CDKAL1: variants seen among roughly 807,000 people sequenced by gnomAD.
The protein encoded by CDKAL1 is CDKAL1 threonylcarbamoyladenosine tRNA methylthiotransferase, also known as threonylcarbamoyladenosine tRNA methylthiotransferase.
Under a neutral mutation model 68.2 loss-of-function variants are expected in CDKAL1, and 32 were observed. The observed-to-expected ratio is 0.47, with a 90% CI of 0.35 to 0.63. The LOEUF (loss-of-function observed/expected upper bound fraction) is 0.63, where lower values mean the gene tolerates loss of function less well. Among genes scored for constraint, CDKAL1 ranks in the 30% least tolerant of loss-of-function variants. The pLI is 0.00. For missense variants in CDKAL1, 606 were observed against 696.7 expected (o/e 0.87, Z 1.47); for synonymous variants, 234 against 244.3 (o/e 0.96, Z 0.39).
intron 8 of CDKAL1, among the ~76,000 whole-genome samples, chr6:20,845,535 T>A (rs1252699465): frequency 1.3e-5 from 2 of 152,082 alleles, no homozygotes; most frequent in African/African-American, 4.8e-5. Context: ...GCTTTAATAT[T>A]TTTTCCTGAT....
chr6:21,048,073 C>A (rs1770341995), intron 11 of CDKAL1, among the ~76,000 whole-genome samples: 1 of 152,100 alleles, frequency 6.6e-6, no homozygotes, highest in South Asian at 2.1e-4. Context: ...GAGTTCTTAT[C>A]AAAAATTAGA....
rs115025126 is a variant in CDKAL1, at chr6:20,966,911, G to A, written c.909+11326G>A. Among the ~76,000 whole-genome samples, 1,250 of 151,944 alleles carry A rather than the reference G, an allele frequency of 8.2e-3. 24 individuals carry two copies. The highest frequency in any genetic ancestry group is 0.028 in the African/African-American group (1,170 of 41,458). ...AGACTCTTTTTATTTTTTTGTTGTTGTTTCTATATTCTTCCATTATTGCGT... is the reference window on the plus strand; with the variant it reads ...AGACTCTTTTTATTTTTTTGTTGTTATTTCTATATTCTTCCATTATTGCGT... On this transcript the variant is annotated intron_variant, in intron 10 of 15. Transcript: ENST00000274695.
intron 9 of CDKAL1, among the ~76,000 whole-genome samples, chr6:20,932,376 G>A (rs1431327065): frequency 6.6e-6 from 1 of 152,124 alleles, no homozygotes; most frequent in Non-Finnish European, 1.5e-5. Flanking sequence ...TTAGAATCGT[G>A]TCCACCCACG....
intron 3 of CDKAL1, among the ~76,000 whole-genome samples, chr6:20,547,583 A>C (rs16883910): frequency 6.8e-4 from 103 of 152,296 alleles, no homozygotes; most frequent in African/African-American, 2.3e-3. Context: ...TTGTTTATCT[A>C]GTCAACTGCT....
chr6:20,597,101 C>T (rs1446629890), intron 4 of CDKAL1, among the ~76,000 whole-genome samples: 1 of 152,072 alleles, frequency 6.6e-6, no homozygotes, highest in African/African-American at 2.4e-5. Context: ...ATCTTGCCAG[C>T]CACCCCTTTA....
At position 21,008,806 on chromosome 6, in the gene CDKAL1, A is replaced by T. The variant is rs537957556; in HGVS notation, c.1055+8434A>T. On this transcript the variant is annotated intron_variant, in intron 11 of 15. Transcript: ENST00000274695. ...CGTGTCTGTTGAATGAATGGCACTT[A>T]ACTCTGGAACTAACAAGAGTAAGGC... Among the ~76,000 whole-genome samples, 3 of 152,308 alleles carry T rather than the reference A, an allele frequency of 2.0e-5. No individual in the cohort carries two copies. The South Asian group carries it at 6.2e-4, about 32-fold the overall frequency.
intron 15 of CDKAL1, 51 bp downstream of exon 15, chr6:21,201,325 G>A (rs1778683493): frequency 2.0e-6 from 3 of 1,485,962 alleles, no homozygotes; most frequent in Non-Finnish European, 2.8e-6. Flanking sequence ...CAGCAGCTGT[G>A]GAAGCACAGT....
intron 12 of CDKAL1, among the ~76,000 whole-genome samples, chr6:21,072,554 CA>C (rs71540611): frequency 0.18 from 7,913 of 43,944 alleles, 41 homozygotes; most frequent in East Asian, 0.27. Context: ...GACTCCGTCT[CA>C]AAAAAAAAAA....
chr6:20,943,733 T>G (rs1044056524), intron 9 of CDKAL1, among the ~76,000 whole-genome samples: 1 of 152,114 alleles, frequency 6.6e-6, no homozygotes, highest in Non-Finnish European at 1.5e-5. Context: ...CCTCGCCTGC[T>G]AATTCCATCA....
intron 4 of CDKAL1, among the ~76,000 whole-genome samples, chr6:20,605,358 A>G (rs2127716642): frequency 6.6e-6 from 1 of 152,300 alleles, no homozygotes; most frequent in South Asian, 2.1e-4. Flanking sequence ...TCTTTTTAAT[A>G]TCCTCGAGTT....
At chr6:20,546,580 G>A (rs926210538) in intron 3 of CDKAL1, 57 bp downstream of exon 3, 3 of 1,458,676 alleles carry the variant, frequency 2.1e-6, no homozygotes, top group Admixed American at 1.8e-5. Flanking sequence ...TTGAGACAGA[G>A]TCTTGCTCTG....
rs147121486 is a variant in CDKAL1 at position 21,086,091 on chromosome 6, T to C, written c.1236+20863T>C. Among the ~76,000 whole-genome samples the C allele has an allele frequency of 5.3e-5, 8 of 152,340 alleles. No individual in the cohort carries two copies. The East Asian group carries it at 1.5e-3, about 29-fold the overall frequency. On this transcript the variant is annotated intron_variant, in intron 12 of 15. Coordinates refer to ENST00000274695, the MANE Select transcript of CDKAL1 (RefSeq NM_017774.3). ...CCTTGCACTGTTTTGGTGTTTTATA[T>C]ATGTTGTTTCATTTAATCTTCATGC...
At chr6:20,902,803 G>T (rs567082588) in intron 9 of CDKAL1, among the ~76,000 whole-genome samples, 3 of 152,302 alleles carry the variant, frequency 2.0e-5, no homozygotes, top group African/African-American at 7.2e-5. Context: ...ATGGTTATTG[G>T]TAAGGGGGGT....
At chr6:20,613,041 A>ACACT (rs1192565040) in intron 4 of CDKAL1, among the ~76,000 whole-genome samples, 3 of 118,706 alleles carry the variant, frequency 2.5e-5, no homozygotes, top group Non-Finnish European at 5.3e-5. Context: ...ACACACACAC[A>ACACT]CACAAAGGGT....
At chr6:21,066,990 C>T (rs1410462978) in intron 12 of CDKAL1, among the ~76,000 whole-genome samples, 2 of 152,218 alleles carry the variant, frequency 1.3e-5, no homozygotes, top group Non-Finnish European at 2.9e-5. Context: ...CTGACAACTA[C>T]TGATCTGTTT....
chr6:20,541,388 T>C lies in CDKAL1; in HGVS notation c.-5-4958T>C, dbSNP rs531141055. Reference sequence around the variant, plus strand: ...TGGTTCTTTATCTTTCTAGATCTTATTAGGCTTCATTCCTTAAGTAGGCTT... The same window carrying C: ...TGGTTCTTTATCTTTCTAGATCTTACTAGGCTTCATTCCTTAAGTAGGCTT... On this transcript the variant is annotated intron_variant, in intron 2 of 15. Transcript: ENST00000274695. 1.4e-4 allele frequency among the ~76,000 whole-genome samples: 21 copies of C among 152,314 alleles called. 1 individual carries two copies. The East Asian group carries it at 2.1e-3, about 15-fold the overall frequency.
intron 11 of CDKAL1, among the ~76,000 whole-genome samples, chr6:21,051,777 C>T (rs1349382387): frequency 1.3e-5 from 2 of 152,242 alleles, no homozygotes; most frequent in East Asian, 1.9e-4. Flanking sequence ...ATATTAAGCA[C>T]TATATGGGAA....
At chr6:20,721,649 A>G (rs1209288285) in intron 5 of CDKAL1, among the ~76,000 whole-genome samples, 1 of 150,596 alleles carries the variant, frequency 6.6e-6, no homozygotes, top group African/African-American at 2.5e-5. Context: ...ACTATTTTCC[A>G]TAGTGTCTGT....
chr6:21,061,314 A>T (rs1033122687), intron 11 of CDKAL1, among the ~76,000 whole-genome samples: 1 of 152,004 alleles, frequency 6.6e-6, no homozygotes, highest in Non-Finnish European at 1.5e-5. Flanking sequence ...ATGGGCCAAA[A>T]TTTTCCTGTT....
Sources: gnomAD v4.1 joint callset for allele counts (sites outside exome capture counted in the v4.1 genomes callset) on GRCh38, gnomAD v4.1.1 for gene constraint, MANE v1.5 for transcripts, NCBI Gene and HGNC (gene_info 2026-07-23, HGNC 2026-07-21) for gene names.